The following PTPRQ variants were observed in gnomAD, a reference collection of about 807,000 sequenced individuals.
PTPRQ encodes phosphatidylinositol phosphatase PTPRQ.
Under a neutral mutation model 246.0 loss-of-function variants are expected in PTPRQ, and 199 were observed. The observed-to-expected ratio is 0.81, with a 90% CI of 0.72 to 0.91. The LOEUF (loss-of-function observed/expected upper bound fraction) is 0.91. Among genes scored for constraint, PTPRQ ranks in the 40% least tolerant of loss-of-function variants. The pLI, the probability that PTPRQ is intolerant of heterozygous loss-of-function variation, is 0.00. For missense variants in PTPRQ, 2,624 were observed against 2,528.4 expected (o/e 1.04, Z -0.81); for synonymous variants, 869 against 853.2 (o/e 1.02, Z -0.32).
Position 80,542,174 on chromosome 12 carries a change from A to G in PTPRQ, c.3531A>G (p.Pro1177=), listed in dbSNP as rs559010597. The G allele has an allele frequency of 7.4e-5, 115 of 1,551,174 alleles. No homozygotes were observed. The African/African-American group carries it at 1.4e-3, about 19-fold the overall frequency. Residue 1177 remains proline, a synonymous_variant, in exon 22 of 45, where the codon CCA becomes CCG. Coordinates refer to ENST00000644991, the MANE Select transcript of PTPRQ (RefSeq NM_001145026.2). ...VLLSWDPPVK[P]NGAIISYDLT... Reference sequence around the variant, plus strand: ...TATCATGGGATCCCCCAGTAAAGCCAAATGGTGCAATAATAAGTTATGATT... The same window carrying G: ...TATCATGGGATCCCCCAGTAAAGCCGAATGGTGCAATAATAAGTTATGATT...
intron 26 of PTPRQ, among the ~76,000 whole-genome samples, chr12:80,589,893 G>C (rs1208000754): frequency 6.6e-6 from 1 of 152,198 alleles, no homozygotes. Context: ...AGAGATGAGA[G>C]AGCTGTACTT....
intron 29 of PTPRQ, among the ~76,000 whole-genome samples, chr12:80,615,247 A>T (rs182617123): frequency 1.3e-5 from 2 of 151,094 alleles, no homozygotes; most frequent in Admixed American, 1.3e-4. Context: ...GGCATTTTCA[A>T]GCCACATTTT....
At chr12:80,621,019 C>T (rs1371181484) in intron 32 of PTPRQ, among the ~76,000 whole-genome samples, 1 of 151,722 alleles carries the variant, frequency 6.6e-6, no homozygotes, top group East Asian at 1.9e-4. Context: ...TTAAAAGAAT[C>T]ATCTTATCCT....
At chr12:80,654,704 A>C (rs1434769564) in intron 38 of PTPRQ, among the ~76,000 whole-genome samples, 1 of 151,202 alleles carries the variant, frequency 6.6e-6, no homozygotes, top group East Asian at 1.9e-4. Flanking sequence ...AAAAAAAAAA[A>C]AAAAAATTAG....
intron 6 of PTPRQ, among the ~76,000 whole-genome samples, chr12:80,467,678 TA>T (rs1248769534): frequency 6.6e-6 from 1 of 151,814 alleles, no homozygotes; most frequent in Non-Finnish European, 1.5e-5. Flanking sequence ...TATGCAGCCA[TA>T]AAAAATGATG....
intron 37 of PTPRQ, among the ~76,000 whole-genome samples, chr12:80,651,486 A>G (rs1900256228): frequency 6.6e-6 from 1 of 152,096 alleles, no homozygotes; most frequent in African/African-American, 2.4e-5. Flanking sequence ...TAGGAATGCA[A>G]AAACGGTCTA....
intron 34 of PTPRQ, among the ~76,000 whole-genome samples, chr12:80,634,323 GAGAAATA>G (rs1899558676): frequency 6.6e-6 from 1 of 152,072 alleles, no homozygotes; most frequent in Non-Finnish European, 1.5e-5. Flanking sequence ...CTGTGTCATG[GAGAAATA>G]AGCATTTAAA....
chr12:80,567,331 A>G (rs1339727131), intron 25 of PTPRQ, among the ~76,000 whole-genome samples: 1 of 152,194 alleles, frequency 6.6e-6, no homozygotes, highest in African/African-American at 2.4e-5. Context: ...TTTTATGGGA[A>G]AGCTTTTTTC....
At chr12:80,613,866 C>T (rs1898650025) in intron 29 of PTPRQ, 30 bp downstream of exon 29, 7 of 1,465,006 alleles carry the variant, frequency 4.8e-6, no homozygotes, top group Non-Finnish European at 6.3e-6. Context: ...GTTAATTACC[C>T]AAATGACAAT....
intron 27 of PTPRQ, among the ~76,000 whole-genome samples, chr12:80,607,230 A>C (rs1424126996): frequency 6.6e-6 from 1 of 150,994 alleles, no homozygotes; most frequent in Non-Finnish European, 1.5e-5. Context: ...ATAACTTCTC[A>C]CAGAGCTAAG....
intron 35 of PTPRQ, among the ~76,000 whole-genome samples, chr12:80,643,820 C>G (rs1397953806): frequency 6.6e-6 from 1 of 152,164 alleles, no homozygotes; most frequent in South Asian, 2.1e-4. Flanking sequence ...TCATACAAAA[C>G]TTGGAAATAT....
chr12:80,470,687 A>G (rs1292816367), intron 7 of PTPRQ, among the ~76,000 whole-genome samples: 3 of 152,202 alleles, frequency 2.0e-5, no homozygotes, highest in African/African-American at 7.2e-5. Flanking sequence ...TGAAACTGAC[A>G]CTGAAGATGG....
intron 38 of PTPRQ, among the ~76,000 whole-genome samples, chr12:80,657,346 G>A (rs1402333375): frequency 1.3e-5 from 2 of 151,766 alleles, no homozygotes; most frequent in Non-Finnish European, 3.0e-5. Flanking sequence ...AATACCTTGT[G>A]ATAATGAAAG....
intron 38 of PTPRQ, among the ~76,000 whole-genome samples, chr12:80,656,913 GAAATACTTAAAACCAGA>G (rs1283560375): frequency 2.8e-5 from 4 of 145,344 alleles, no homozygotes; most frequent in Non-Finnish European, 6.0e-5. Flanking sequence ...GACAAAGATT[GAAATACTTAAAACCAGA>G]AAAATCCATG....
At chr12:80,486,914 C>T (rs972626165) in intron 9 of PTPRQ, among the ~76,000 whole-genome samples, 1 of 152,160 alleles carries the variant, frequency 6.6e-6, no homozygotes, top group Non-Finnish European at 1.5e-5. Context: ...TTCCTTAATA[C>T]TTTCTGCAAT....
rs78857302 is a variant in PTPRQ, at chr12:80,444,784, C to A, written c.98C>A (p.Thr33Asn). 3 of 1,540,056 alleles carry A rather than the reference C, an allele frequency of 1.9e-6. No homozygotes were observed. Among genetic ancestry groups the A allele is most frequent in the Non-Finnish European group, 1.8e-6 (2 of 1,138,998 alleles). The change falls in exon 2 of 45, where the codon ACC (threonine) becomes AAC (asparagine). Residue 33 changes from threonine to asparagine, a missense_variant. By Grantham distance (65) the Thr-to-Asn change is moderately conservative. Coordinates refer to ENST00000644991, the MANE Select transcript of PTPRQ (RefSeq NM_001145026.2). The part of the protein sequence containing the change: ...NVVPGTRYDI[T>N]ISSISTTYTS... Reference sequence around the variant, plus strand: ...GTTCCTGGTACTAGGTACGATATAACCATCTCTTCAATTTCTACAACATAC... The same window carrying A: ...GTTCCTGGTACTAGGTACGATATAAACATCTCTTCAATTTCTACAACATAC...
At chr12:80,666,507 A>G (rs952219793) in intron 39 of PTPRQ, among the ~76,000 whole-genome samples, 1 of 151,966 alleles carries the variant, frequency 6.6e-6, no homozygotes, top group Admixed American at 6.6e-5. Context: ...TAGTGTGACT[A>G]TAACAAACCA....
At chr12:80,567,038 A>G (rs893231432) in intron 25 of PTPRQ, among the ~76,000 whole-genome samples, 1 of 152,214 alleles carries the variant, frequency 6.6e-6, no homozygotes, top group African/African-American at 2.4e-5. Context: ...GCACCTTAAA[A>G]GCTAAATAGG....
chr12:80,623,892 T>G (rs1447331891), intron 33 of PTPRQ, among the ~76,000 whole-genome samples: 1 of 152,080 alleles, frequency 6.6e-6, no homozygotes, highest in Non-Finnish European at 1.5e-5. Flanking sequence ...AGGAGCATGA[T>G]TCCTTAGATT....
Sources: gnomAD v4.1 joint callset for allele counts (sites outside exome capture counted in the v4.1 genomes callset) on GRCh38, gnomAD v4.1.1 for gene constraint, MANE v1.5 for transcripts, NCBI Gene and HGNC (gene_info 2026-07-23, HGNC 2026-07-21) for gene names.